Variants in MYH11 observed in about 807,000 individuals in gnomAD.
The protein encoded by MYH11 is myosin heavy chain 11.
MYH11 carries 80 observed loss-of-function variants against 246.6 expected under a neutral mutation model. The observed-to-expected ratio is 0.32, with a 90% CI of 0.27 to 0.39. The LOEUF (loss-of-function observed/expected upper bound fraction) is 0.39. Among genes scored for constraint, MYH11 ranks in the 10% least tolerant of loss-of-function variants. The pLI, the probability that MYH11 is intolerant of heterozygous loss-of-function variation, is 1.00. For missense variants in MYH11, 2,158 were observed against 2,546.8 expected, an observed-to-expected ratio of 0.85 and a Z score of 3.29; for synonymous variants, 1,071 against 1,015.5, an observed-to-expected ratio of 1.05 and a Z score of -1.04.
At chr16:15,738,831 G>T in intron 23 of MYH11, 143 bp from the exon 24 acceptor site, 1 of 1,016,068 alleles carries the variant, frequency 9.8e-7, no homozygotes, top group South Asian at 1.5e-5. Context: ...AAATGGTAAA[G>T]AGAAGTCCCA....
chr16:15,763,738 A>AGCTGGGGGGGGCCCCCCCCCCC, intron 10 of MYH11, 58 bp downstream of exon 10: 1 of 717,694 alleles, frequency 1.4e-6, no homozygotes, highest in Non-Finnish European at 2.6e-6. Flanking sequence ...GTTAAATGTC[A>AGCTGGGGGGGGCCCCCCCCCCC]CCTCCCCCAC....
chr16:15,852,000 A>G (rs2044342209), intron 1 of MYH11, among the ~76,000 whole-genome samples: 1 of 152,172 alleles, frequency 6.6e-6, no homozygotes, highest in African/African-American at 2.4e-5. Context: ...CTGCAGTATC[A>G]GTCAATGGCC....
chr16:15,808,309 T>C (rs1266603626), intron 3 of MYH11, among the ~76,000 whole-genome samples: 1 of 152,118 alleles, frequency 6.6e-6, no homozygotes, highest in Non-Finnish European at 1.5e-5. Flanking sequence ...ACTGACCGAA[T>C]CACCCTTGTA....
chr16:15,826,018 C>T (rs758497824), intron 2 of MYH11, among the ~76,000 whole-genome samples: 3 of 152,084 alleles, frequency 2.0e-5, no homozygotes, highest in Admixed American at 6.6e-5. Context: ...GTGACTTGAC[C>T]GAGGTCACCA....
chr16:15,818,728 G>T (rs552787356), intron 3 of MYH11, among the ~76,000 whole-genome samples: 2 of 151,920 alleles, frequency 1.3e-5, no homozygotes, highest in East Asian at 3.9e-4. Context: ...TAGCCACCGT[G>T]CCCGATTCTT....
rs750121905 is a variant in MYH11, at chr16:15,759,666, G to A, written c.1311C>T (p.Leu437=). The A allele has an allele frequency of 8.7e-6, 14 of 1,614,204 alleles. 1 individual carries two copies. In the South Asian group the frequency reaches 1.2e-4, roughly 14 times the overall value. The change falls in exon 12 of 41, where the codon CTC becomes CTT. Residue 437 remains leucine, a synonymous_variant. Transcript: ENST00000300036. Reference sequence around the variant, plus strand: ...TGTCCAGGGCTTTGTTCACGCGGGTGAGTATCCAGCGGAAAAGGCGCTCAT... The same window carrying A: ...TGTCCAGGGCTTTGTTCACGCGGGTAAGTATCCAGCGGAAAAGGCGCTCAT... The part of the protein sequence containing the change: ...ATYERLFRWI[L]TRVNKALDKT...
intron 2 of MYH11, among the ~76,000 whole-genome samples, chr16:15,835,746 ATTTTTTTTTTT>A (rs386384349): frequency 7.6e-6 from 1 of 132,088 alleles, no homozygotes; most frequent in African/African-American, 2.8e-5. Flanking sequence ...AGCTGGTACT[ATTTTTTTTTTT>A]TTTTTTTTTT....
Position 15,845,731 on chromosome 16 carries a change from GGAGA to G in MYH11, c.-17-7466_-17-7463del, listed in dbSNP as rs1382556522. Among the ~76,000 whole-genome samples, 2 of 149,474 alleles carry G rather than the reference GGAGA, an allele frequency of 1.3e-5. 1 individual carries two copies. The highest frequency in any genetic ancestry group is 4.3e-4 in the South Asian group (2 of 4,638). ...GTGAGAGAGAGAGAGAGAAAAAGAA[GGAGA>G]GAGAGAGAGAGAAACTGGAGGATGC... is the stretch of plus-strand genomic sequence containing the variant. On this transcript the variant is annotated intron_variant, in intron 1 of 40. Coordinates refer to ENST00000300036, the MANE Select transcript of MYH11 (RefSeq NM_002474.3).
intron 4 of MYH11, chr16:15,791,730 G>A (rs2042615056): frequency 6.8e-6 from 1 of 146,588 alleles, no homozygotes; most frequent in African/African-American, 2.5e-5. Flanking sequence ...CTGGAGTGCA[G>A]TGATGCAATC....
intron 40 of MYH11, among the ~76,000 whole-genome samples, chr16:15,707,855 C>G (rs927380706): frequency 6.6e-6 from 1 of 151,610 alleles, no homozygotes; most frequent in Admixed American, 6.6e-5. Flanking sequence ...GCCTGTAATC[C>G]CAGCTACTCA....
intron 38 of MYH11, 145 bp from the exon 39 acceptor site, chr16:15,715,417 A>G (rs2040072583): frequency 1.3e-6 from 1 of 755,964 alleles, no homozygotes; most frequent in South Asian, 1.5e-5. Flanking sequence ...GTGGAATAGT[A>G]TTCAGCCATG....
At chr16:15,741,351 G>T in intron 22 of MYH11, 112 bp downstream of exon 22, 2 of 1,219,968 alleles carry the variant, frequency 1.6e-6, no homozygotes, top group South Asian at 2.4e-5. Flanking sequence ...CCAAGCCCCC[G>T]TCTCATCATC....
At chr16:15,737,037 CA>C (rs2041137484) in intron 25 of MYH11, among the ~76,000 whole-genome samples, 1 of 151,572 alleles carries the variant, frequency 6.6e-6, no homozygotes, top group Admixed American at 6.6e-5. Flanking sequence ...TTGGTGTTCA[CA>C]AAAAAGAGGG....
At chr16:15,763,741 T>TGGCCCCC in intron 10 of MYH11, 55 bp downstream of exon 10, 1 of 646,860 alleles carries the variant, frequency 1.5e-6, no homozygotes, top group Non-Finnish European at 2.9e-6. Flanking sequence ...AAATGTCACC[T>TGGCCCCC]CCCCCACCCC....
intron 1 of MYH11, among the ~76,000 whole-genome samples, chr16:15,846,719 T>A (rs550936731): frequency 1.3e-5 from 2 of 152,168 alleles, no homozygotes; most frequent in Admixed American, 1.3e-4. Flanking sequence ...TGTGGAAGAC[T>A]GAGGTAGGAG....
Position 15,753,465 on chromosome 16 carries a change from G to A in MYH11, c.1793C>T (p.Pro598Leu), listed in dbSNP as rs770613752. The change falls in exon 15 of 41, where the codon CCG becomes CTG. Residue 598 changes from proline (P) to leucine (L), a missense_variant. By Grantham distance (98) the Pro-to-Leu change is moderately conservative. Transcript: ENST00000300036. Reference sequence around the variant, plus strand: ...CAGGGAAGTCACGTTGTCATTCAGCGGGTCCATATTCTTGGTCAGCCAGGC... The same window carrying A: ...CAGGGAAGTCACGTTGTCATTCAGCAGGTCCATATTCTTGGTCAGCCAGGC... ...ASAWLTKNMDPLNDNVTSLLN... is the reference protein window; with the variant it reads ...ASAWLTKNMDLLNDNVTSLLN... 7 of 1,614,006 alleles carry A rather than the reference G, an allele frequency of 4.3e-6. No individual in the cohort carries two copies. The South Asian group carries it at 4.4e-5, about 10-fold the overall frequency.
At chr16:15,842,761 C>A (rs2044087807) in intron 1 of MYH11, among the ~76,000 whole-genome samples, 2 of 48,988 alleles carry the variant, frequency 4.1e-5, no homozygotes, top group Admixed American at 2.9e-4. Flanking sequence ...AAGACTTCAT[C>A]CAAAAAAAAA....
chr16:15,744,445 G>A (rs991808210), intron 20 of MYH11, among the ~76,000 whole-genome samples: 1 of 151,490 alleles, frequency 6.6e-6, no homozygotes, highest in African/African-American at 2.4e-5. Flanking sequence ...CACCCGCCTC[G>A]GCCTCCCAAA....
intron 3 of MYH11, among the ~76,000 whole-genome samples, chr16:15,819,735 G>A (rs534326976): frequency 3.3e-5 from 5 of 152,198 alleles, no homozygotes; most frequent in Admixed American, 6.5e-5. Context: ...TAATGCGCTC[G>A]AATCATCCCG....
Sources: allele counts gnomAD v4.1 joint callset (sites outside exome capture counted in the v4.1 genomes callset), GRCh38; gene constraint gnomAD v4.1.1; transcripts MANE v1.5; gene names NCBI Gene and HGNC (gene_info 2026-07-23, HGNC 2026-07-21).